CAMKMT: variants seen among roughly 807,000 people sequenced by gnomAD.
The protein encoded by CAMKMT is calmodulin-lysine N-methyltransferase.
CAMKMT carries 53 observed loss-of-function variants against 48.0 expected under a neutral mutation model. The ratio of observed to expected loss-of-function variants is 1.10; its 90% CI spans 0.89 to 1.39. The LOEUF is 1.39. Among genes scored for constraint, CAMKMT ranks in the 40% most tolerant of loss-of-function variants. The pLI is 0.00. For synonymous variants in CAMKMT, 165 were observed against 152.3 expected, an observed-to-expected ratio of 1.08 and a Z score of -0.61; for missense variants, 428 against 402.7, an observed-to-expected ratio of 1.06 and a Z score of -0.54.
intron 9 of CAMKMT, among the ~76,000 whole-genome samples, chr2:44,762,304 A>G (rs1680650300): frequency 6.6e-6 from 1 of 152,260 alleles, no homozygotes; most frequent in African/African-American, 2.4e-5. Context: ...CCTGGGCAGC[A>G]TAACAAGACC....
chr2:44,431,456 G>T (rs1355153332), intron 3 of CAMKMT, among the ~76,000 whole-genome samples: 2 of 152,112 alleles, frequency 1.3e-5, no homozygotes, highest in African/African-American at 4.8e-5. Flanking sequence ...TAACTGGTTA[G>T]TTCCTTTGTT....
intron 7 of CAMKMT, chr2:44,723,790 A>G (rs1211228074): frequency 6.6e-6 from 1 of 152,084 alleles, no homozygotes; most frequent in Non-Finnish European, 1.5e-5. Context: ...TTTGTCTGGA[A>G]TTCATTAATC....
chr2:44,772,319 G>T lies in CAMKMT; in HGVS notation c.*206G>T. ...CCCCGCCTCTTTTTACACTCTGCTTGTTGCTCGTCCTGCCCTAAACCTTTG... is the reference window on the plus strand; with the variant it reads ...CCCCGCCTCTTTTTACACTCTGCTTTTTGCTCGTCCTGCCCTAAACCTTTG... On this transcript the variant is annotated 3_prime_UTR_variant, in exon 11 of 11. Transcript: ENST00000378494. 1 of 508,144 alleles carries T rather than the reference G, an allele frequency of 2.0e-6. No individual in the cohort carries two copies. Among genetic ancestry groups the T allele is most frequent in the Non-Finnish European group, 3.5e-6 (1 of 286,610 alleles). The allele number at this position is 508,144 out of a possible 1,614,324, so 31.5% of individuals were successfully genotyped here. A position where few individuals can be genotyped will look rare whatever the true frequency, so the allele number is the denominator to read the frequency against.
chr2:44,656,118 G>A (rs543208452), intron 3 of CAMKMT, among the ~76,000 whole-genome samples: 1 of 152,306 alleles, frequency 6.6e-6, no homozygotes, highest in Admixed American at 6.5e-5. Flanking sequence ...TATGTTTTGT[G>A]AAAAGAGCTC....
chr2:44,458,536 GA>G (rs1276351387), intron 3 of CAMKMT, among the ~76,000 whole-genome samples: 1 of 152,202 alleles, frequency 6.6e-6, no homozygotes, highest in Non-Finnish European at 1.5e-5. Flanking sequence ...CATTTAAGAT[GA>G]AAAGGTCTGC....
In CAMKMT at chr2:44,511,423, G is replaced by A. The variant is rs184461803; in HGVS notation, c.376+121118G>A. ...CATGCCTCAGCTACCTGAGTAGCTG[G>A]GACTACAGGTGTGCACTAACACGCC... On this transcript the variant is annotated intron_variant, in intron 3 of 10. Coordinates refer to ENST00000378494, the MANE Select transcript of CAMKMT (RefSeq NM_024766.5). Among the ~76,000 whole-genome samples the A allele has an allele frequency of 3.0e-3, 449 of 152,194 alleles. 6 individuals carry two copies. Among genetic ancestry groups the A allele is most frequent in the Non-Finnish European group, 6.3e-4 (43 of 68,004 alleles).
intron 3 of CAMKMT, among the ~76,000 whole-genome samples, chr2:44,390,854 T>C (rs932547704): frequency 2.6e-5 from 4 of 152,214 alleles, no homozygotes; most frequent in African/African-American, 9.6e-5. Flanking sequence ...TAATTGGTGA[T>C]AGATTTGTCC....
chr2:44,615,427 C>T (rs1440805386), intron 3 of CAMKMT, among the ~76,000 whole-genome samples: 4 of 152,070 alleles, frequency 2.6e-5, no homozygotes, highest in Admixed American at 6.5e-5. Context: ...GAAAAGTAGA[C>T]AGATTGAGAG....
chr2:44,414,858 G>A (rs759022783), intron 3 of CAMKMT, among the ~76,000 whole-genome samples: 1 of 152,178 alleles, frequency 6.6e-6, no homozygotes, highest in Admixed American at 6.5e-5. Context: ...AGCTAAGTTT[G>A]AATTTTTAAA....
At chr2:44,583,561 G>T (rs1572853325) in intron 3 of CAMKMT, among the ~76,000 whole-genome samples, 1 of 152,244 alleles carries the variant, frequency 6.6e-6, no homozygotes, top group East Asian at 1.9e-4. Flanking sequence ...GGGAGGCTGA[G>T]ACAAGAAGGT....
At chr2:44,533,096 G>A (rs1209151238) in intron 3 of CAMKMT, among the ~76,000 whole-genome samples, 1 of 152,014 alleles carries the variant, frequency 6.6e-6, no homozygotes, top group East Asian at 1.9e-4. Context: ...TTACAGGCAT[G>A]AGCCACCGCT....
intron 3 of CAMKMT, among the ~76,000 whole-genome samples, chr2:44,639,066 A>G (rs185347779): frequency 2.0e-5 from 3 of 152,342 alleles, no homozygotes; most frequent in East Asian, 3.9e-4. Context: ...TGACATGGAG[A>G]AAACAAGACA....
intron 2 of CAMKMT, among the ~76,000 whole-genome samples, chr2:44,381,718 A>C (rs1375480267): frequency 6.6e-6 from 1 of 152,206 alleles, no homozygotes. Context: ...GTGAATAACA[A>C]ATTGCAAAAC....
chr2:44,666,262 C>T (rs1484434376), intron 3 of CAMKMT, among the ~76,000 whole-genome samples: 1 of 152,200 alleles, frequency 6.6e-6, no homozygotes, highest in African/African-American at 2.4e-5. Context: ...CAGACAGTTT[C>T]ATCAAGTCAT....
intron 3 of CAMKMT, among the ~76,000 whole-genome samples, chr2:44,412,948 C>T (rs550707872): frequency 7.5e-4 from 114 of 151,488 alleles, no homozygotes; most frequent in Non-Finnish European, 1.3e-3. Context: ...TGGTGGCGTG[C>T]GCCTGTAAAC....
chr2:44,584,018 C>T (rs1260088205), intron 3 of CAMKMT, among the ~76,000 whole-genome samples: 1 of 152,106 alleles, frequency 6.6e-6, no homozygotes, highest in Non-Finnish European at 1.5e-5. Flanking sequence ...TTACATGACC[C>T]AGAAAGCTTC....
chr2:44,564,079 T>C (rs1455817043), intron 3 of CAMKMT, among the ~76,000 whole-genome samples: 1 of 152,212 alleles, frequency 6.6e-6, no homozygotes, highest in Non-Finnish European at 1.5e-5. Context: ...TGAACTAGTT[T>C]ACAGTCCCAC....
intron 3 of CAMKMT, among the ~76,000 whole-genome samples, chr2:44,409,633 A>C (rs1329539014): frequency 6.6e-6 from 1 of 152,350 alleles, no homozygotes; most frequent in South Asian, 2.1e-4. Flanking sequence ...TAAAAAACAT[A>C]GAAGACTTGA....
At chr2:44,478,352 A>T (rs1406197132) in intron 3 of CAMKMT, among the ~76,000 whole-genome samples, 1 of 152,114 alleles carries the variant, frequency 6.6e-6, no homozygotes, top group East Asian at 1.9e-4. Flanking sequence ...TTTAGAGTTT[A>T]GCCTTTGCAA....
Sources: gnomAD v4.1 joint callset for allele counts (sites outside exome capture counted in the v4.1 genomes callset) on GRCh38, gnomAD v4.1.1 for gene constraint, MANE v1.5 for transcripts, NCBI Gene and HGNC (gene_info 2026-07-23, HGNC 2026-07-21) for gene names.